The following CYFIP1 variants were observed in gnomAD, a reference collection of about 807,000 sequenced individuals.
CYFIP1 encodes the protein cytoplasmic FMR1-interacting protein 1.
A neutral mutation model predicts 163.5 loss-of-function variants in CYFIP1; 58 were observed. That is an observed-to-expected ratio of 0.35 (90% CI 0.29 to 0.44). CYFIP1 has a LOEUF of 0.44. Among genes scored for constraint, CYFIP1 ranks in the 20% least tolerant of loss-of-function variants. The pLI, the probability that CYFIP1 is intolerant of heterozygous loss-of-function variation, is 1.00. For synonymous variants in CYFIP1, 663 were observed against 660.7 expected, an observed-to-expected ratio of 1.00 and a Z score of -0.05; for missense variants, 1,338 against 1,653.8, an observed-to-expected ratio of 0.81 and a Z score of 3.31.
In CYFIP1 at chr15:22,869,356, C is replaced by T. The variant is rs1030371482; in HGVS notation, c.*672G>A. 3 of 152,186 alleles carry T rather than the reference C, an allele frequency of 2.0e-5. No individual in the cohort carries two copies. The highest frequency in any genetic ancestry group is 2.1e-4 in the South Asian group (1 of 4,826). 9.4% of individuals were successfully genotyped at this position (152,186 alleles called of 1,614,324 possible). ...GGATGGTGTCACGGTCCCATCCCAC[C>T]TCAGCCTTAGAGGTGACCTCCATCC... is the stretch of plus-strand genomic sequence containing the variant. On this transcript the variant is annotated 3_prime_UTR_variant, in exon 31 of 31. Coordinates refer to ENST00000617928, the MANE Select transcript of CYFIP1 (RefSeq NM_014608.6).
At chr15:22,957,672 C>G (rs1412152936) in intron 1 of CYFIP1, among the ~76,000 whole-genome samples, 2 of 152,190 alleles carry the variant, frequency 1.3e-5, no homozygotes, top group Non-Finnish European at 2.9e-5. Context: ...AAGCATTCCA[C>G]TTGTCCAGCT....
intron 1 of CYFIP1, among the ~76,000 whole-genome samples, chr15:22,957,173 G>A (rs1281811492): frequency 6.6e-6 from 1 of 152,238 alleles, no homozygotes; most frequent in East Asian, 1.9e-4. Flanking sequence ...TAGAAAGAGG[G>A]TCTTCCCAGC....
At chr15:22,928,161 G>A (rs1271943271) in intron 11 of CYFIP1, 133 bp from the exon 12 acceptor site, 13 of 1,098,082 alleles carry the variant, frequency 1.2e-5, no homozygotes, top group African/African-American at 6.5e-5. Flanking sequence ...CAAGGCGGGC[G>A]GATCACAAGG....
intron 13 of CYFIP1, among the ~76,000 whole-genome samples, chr15:22,921,524 C>T (rs2061176691): frequency 6.6e-6 from 1 of 151,234 alleles, no homozygotes; most frequent in Non-Finnish European, 1.5e-5. Flanking sequence ...AAAAAAAAGA[C>T]AGAGAAGCAG....
intron 22 of CYFIP1, among the ~76,000 whole-genome samples, chr15:22,894,926 A>G (rs2060196008): frequency 7.1e-6 from 1 of 141,356 alleles, no homozygotes; most frequent in African/African-American, 2.6e-5. Flanking sequence ...TGTGATCTTG[A>G]CTAACTGCAG....
At chr15:22,969,620 G>C (rs1361735017) in intron 1 of CYFIP1, among the ~76,000 whole-genome samples, 1 of 152,050 alleles carries the variant, frequency 6.6e-6, no homozygotes, top group African/African-American at 2.4e-5. Context: ...GACATAAAGA[G>C]AACAAATAAC....
intron 20 of CYFIP1, among the ~76,000 whole-genome samples, chr15:22,909,764 T>C (rs1382762189): frequency 6.6e-6 from 1 of 152,200 alleles, no homozygotes; most frequent in Non-Finnish European, 1.5e-5. Context: ...ACGCAGTAAG[T>C]GTACATATTT....
At chr15:22,899,580 A>G (rs562670175) in intron 22 of CYFIP1, among the ~76,000 whole-genome samples, 7 of 152,232 alleles carry the variant, frequency 4.6e-5, no homozygotes, top group African/African-American at 1.7e-4. Context: ...GCCATGTGAG[A>G]CATCCCTCTC....
chr15:22,897,244 G>A (rs2060265610), intron 22 of CYFIP1, among the ~76,000 whole-genome samples: 6 of 151,868 alleles, frequency 4.0e-5, no homozygotes, highest in Admixed American at 3.9e-4. Context: ...TACAACAAAG[G>A]GACGTGGAGA....
At chr15:22,972,305 G>A (rs556245172) in intron 1 of CYFIP1, among the ~76,000 whole-genome samples, 14 of 152,150 alleles carry the variant, frequency 9.2e-5, no homozygotes, top group South Asian at 8.3e-4. Flanking sequence ...GTGTGGTGGC[G>A]CACGCCTGTA....
chr15:22,918,431 C>A (rs752940786), intron 14 of CYFIP1, among the ~76,000 whole-genome samples: 3 of 152,134 alleles, frequency 2.0e-5, no homozygotes, highest in Admixed American at 6.5e-5. Flanking sequence ...GAACCACAGG[C>A]ACCGCGAGCC....
Position 22,874,662 on chromosome 15 carries a change from T to C in CYFIP1, c.3116-18A>G. 2 of 1,540,136 alleles carry C rather than the reference T, an allele frequency of 1.3e-6. No individual in the cohort carries two copies. The highest frequency in any genetic ancestry group is 1.8e-6 in the Non-Finnish European group (2 of 1,137,476). ...CTCCCCCTCTGCAGTAGAAAAAATA[T>C]TTTACTATATTCTGCTCCTTTGTAT... is the stretch of plus-strand genomic sequence containing the variant. On this transcript the variant is annotated intron_variant, in intron 27 of 30. Transcript: ENST00000617928.
intron 20 of CYFIP1, among the ~76,000 whole-genome samples, chr15:22,910,053 A>G (rs562291459): frequency 1.3e-5 from 2 of 152,326 alleles, no homozygotes; most frequent in African/African-American, 4.8e-5. Flanking sequence ...AGGTGACCCA[A>G]TAGAAACGGT....
At chr15:22,979,616 AC>A (rs765525082) in intron 1 of CYFIP1, among the ~76,000 whole-genome samples, 15 of 152,104 alleles carry the variant, frequency 9.9e-5, no homozygotes, top group Non-Finnish European at 1.6e-4. Context: ...TTATTCTTGC[AC>A]CCTTCTTGTC....
chr15:22,907,974 T>C (rs1299119022), intron 21 of CYFIP1, among the ~76,000 whole-genome samples: 1 of 152,208 alleles, frequency 6.6e-6, no homozygotes, highest in African/African-American at 2.4e-5. Flanking sequence ...ACACGTTAGG[T>C]CTTTCCACTG....
rs148315816 is a variant in CYFIP1 at position 22,913,964 on chromosome 15, C to T, written c.1985+762G>A. Among the ~76,000 whole-genome samples the T allele has an allele frequency of 7.0e-3, 1,059 of 152,348 alleles. 19 individuals carry two copies. Among genetic ancestry groups the T allele is most frequent in the Middle Eastern group, 6.8e-3 (2 of 294 alleles). On this transcript the variant is annotated intron_variant, in intron 17 of 30. Transcript: ENST00000617928. ...ACTCAGGGGCTTCCCACTCACGGTG[C>T]TCAGAAGACAGACCGGCTGGGCGGC...
Position 22,962,336 on chromosome 15 carries a change from C to G in CYFIP1, c.-6-15045G>C, listed in dbSNP as rs545855831. On this transcript the variant is annotated intron_variant, in intron 1 of 30. Coordinates refer to ENST00000617928, the MANE Select transcript of CYFIP1 (RefSeq NM_014608.6). ...CCACAGTGAGCCCCTGCTCTGCACC[C>G]CCAGGCATCGATCCCCTGCTTTCTT... Among the ~76,000 whole-genome samples the G allele has an allele frequency of 2.4e-3, 362 of 152,226 alleles. 7 individuals are homozygous for G. Among genetic ancestry groups the G allele is most frequent in the African/African-American group, 8.3e-3 (343 of 41,532 alleles).
chr15:22,908,011 T>G (rs1339174220), intron 21 of CYFIP1, among the ~76,000 whole-genome samples: 1 of 152,252 alleles, frequency 6.6e-6, no homozygotes, highest in Non-Finnish European at 1.5e-5. Flanking sequence ...TGCTCTTTTC[T>G]GTCTCATTCA....
intron 6 of CYFIP1, 99 bp downstream of exon 6, chr15:22,943,074 C>T (rs983124009): frequency 1.4e-5 from 17 of 1,179,912 alleles, no homozygotes; most frequent in East Asian, 2.5e-5. Flanking sequence ...CCAGAAGTGA[C>T]GACTTCAGCA....
Sources: gnomAD v4.1 joint callset for allele counts (sites outside exome capture counted in the v4.1 genomes callset) on GRCh38, gnomAD v4.1.1 for gene constraint, MANE v1.5 for transcripts, NCBI Gene and HGNC (gene_info 2026-07-23, HGNC 2026-07-21) for gene names.